Variants in RLN2 observed in about 807,000 individuals in gnomAD.
RLN2 encodes prorelaxin H2.
Under a neutral mutation model 7.3 loss-of-function variants are expected in RLN2, and 10 were observed. The observed-to-expected ratio is 1.36, with a 90% CI of 0.84 to 2.31. RLN2 has a LOEUF of 2.31. Ranked by LOEUF, RLN2 falls within the 30% of genes most tolerant of loss-of-function variation. RLN2 has a pLI of 0.00. For missense variants in RLN2, 298 were observed against 217.6 expected (o/e 1.37, Z -2.32); for synonymous variants, 103 against 82.3 (o/e 1.25, Z -1.36).
chr9:5,325,955 T>C, the RLN2 span, among the ~76,000 whole-genome samples: 8 of 152,206 alleles, frequency 5.3e-5, no homozygotes, highest in East Asian at 1.4e-3. Context: ...AAAGTTCTTT[T>C]CTCTTTAGTC....
chr9:5,308,585 G>A (rs893409789), upstream of RLN2, among the ~76,000 whole-genome samples: 3 of 151,914 alleles, frequency 2.0e-5, no homozygotes, highest in African/African-American at 4.8e-5. Context: ...CATCACAAGG[G>A]ACCCCAGAGC....
the RLN2 span, among the ~76,000 whole-genome samples, chr9:5,321,186 G>T: frequency 6.6e-6 from 1 of 152,066 alleles, no homozygotes; most frequent in African/African-American, 2.4e-5. Flanking sequence ...ATATTTTAGT[G>T]GTAAGTATGA....
the RLN2 span, among the ~76,000 whole-genome samples, chr9:5,327,086 C>T: frequency 6.6e-6 from 1 of 151,890 alleles, no homozygotes; most frequent in Admixed American, 6.6e-5. Context: ...TGAAGCAGGG[C>T]GAGGTGTCAC....
At chr9:5,331,780 A>G in the RLN2 span, among the ~76,000 whole-genome samples, 126 of 152,190 alleles carry the variant, frequency 8.3e-4, no homozygotes, top group African/African-American at 2.7e-3. Flanking sequence ...ACAAACCTGC[A>G]CGTTGTGCAC....
the RLN2 span, among the ~76,000 whole-genome samples, chr9:5,330,320 A>C: frequency 2.0e-5 from 3 of 152,166 alleles, 1 homozygote; most frequent in African/African-American, 7.2e-5. Flanking sequence ...GAGATCTAAA[A>C]TTGACACTCT....
At chr9:5,318,123 T>C in the RLN2 span, among the ~76,000 whole-genome samples, 1 of 151,908 alleles carries the variant, frequency 6.6e-6, no homozygotes, top group Non-Finnish European at 1.5e-5. Context: ...CCGCCTGCCT[T>C]GGCCTCCCAA....
At chr9:5,333,892 C>A in the RLN2 span, among the ~76,000 whole-genome samples, 1 of 151,936 alleles carries the variant, frequency 6.6e-6, no homozygotes, top group East Asian at 1.9e-4. Context: ...TGTGATTCAT[C>A]GCATAAACAG....
At chr9:5,313,206 A>G in the RLN2 span, among the ~76,000 whole-genome samples, 1 of 151,936 alleles carries the variant, frequency 6.6e-6, no homozygotes, top group African/African-American at 2.4e-5. Flanking sequence ...ATTGCACTCT[A>G]TCTCTTCTGA....
chr9:5,335,412 T>G, the RLN2 span: 1 of 1,613,774 alleles, frequency 6.2e-7, no homozygotes, highest in Non-Finnish European at 8.5e-7. Context: ...CTATTGCGAA[T>G]AAGTTTCTTA....
At chr9:5,311,822 T>C in the RLN2 span, 5 of 620,072 alleles carry the variant, frequency 8.1e-6, no homozygotes, top group African/African-American at 3.8e-5. Flanking sequence ...TTTTAGTATT[T>C]TTTTTCTTTT....
At chr9:5,304,119 G>A in intron 1 of RLN2, 4 of 351,102 alleles carry the variant, frequency 1.1e-5, no homozygotes, top group South Asian at 6.8e-5. Context: ...AGGAACTCTC[G>A]GGTGAAGCAG....
At chr9:5,323,692 G>A in the RLN2 span, among the ~76,000 whole-genome samples, 3 of 151,914 alleles carry the variant, frequency 2.0e-5, no homozygotes, top group African/African-American at 7.3e-5. Flanking sequence ...ACTTGTAAGT[G>A]TACTAATGTC....
At chr9:5,316,280 C>T in the RLN2 span, among the ~76,000 whole-genome samples, 1 of 151,658 alleles carries the variant, frequency 6.6e-6, no homozygotes, top group East Asian at 1.9e-4. Flanking sequence ...TTTGTTATTA[C>T]TTTTTTATTG....
chr9:5,327,548 C>T, the RLN2 span, among the ~76,000 whole-genome samples: 2 of 152,050 alleles, frequency 1.3e-5, no homozygotes, highest in Non-Finnish European at 2.9e-5. Flanking sequence ...CTAAAGAGAG[C>T]AGTGGTTCTC....
chr9:5,312,626 T>C, the RLN2 span, among the ~76,000 whole-genome samples: 1,146 of 152,070 alleles, frequency 7.5e-3, 28 homozygotes, highest in African/African-American at 0.026. Context: ...TAAAAGTTGT[T>C]GTATACTGTT....
chr9:5,335,189 C>G, the RLN2 span: 1 of 938,806 alleles, frequency 1.1e-6, no homozygotes, highest in Admixed American at 2.6e-5. Flanking sequence ...ACAGAAGCAT[C>G]AGTGAAATGT....
upstream of RLN2, among the ~76,000 whole-genome samples, chr9:5,307,794 C>T (rs1004751345): frequency 2.6e-5 from 4 of 152,024 alleles, no homozygotes; most frequent in African/African-American, 9.7e-5. Flanking sequence ...AATTCCTTTG[C>T]TTGTGGCCTT....
At chr9:5,336,993 A>T in the RLN2 span, among the ~76,000 whole-genome samples, 1 of 151,550 alleles carries the variant, frequency 6.6e-6, no homozygotes, top group Non-Finnish European at 1.5e-5. Flanking sequence ...GCAATAAAAA[A>T]CAAAACAAAA....
chr9:5,311,919 G>A, the RLN2 span, among the ~76,000 whole-genome samples: 1 of 151,328 alleles, frequency 6.6e-6, no homozygotes, highest in Non-Finnish European at 1.5e-5. Flanking sequence ...CTGGTGCGCT[G>A]CACCCACTAA....
Sources: gnomAD v4.1 joint callset for allele counts (sites outside exome capture counted in the v4.1 genomes callset) on GRCh38, gnomAD v4.1.1 for gene constraint, MANE v1.5 for transcripts, NCBI Gene and HGNC (gene_info 2026-07-23, HGNC 2026-07-21) for gene names.